Variants in CEP128 observed in about 807,000 individuals in gnomAD.
The protein encoded by CEP128 is centrosomal protein 128kDa.
A neutral mutation model predicts 156.7 loss-of-function variants in CEP128; 132 were observed. That is an observed-to-expected ratio of 0.84 (90% CI 0.73 to 0.97). The LOEUF is 0.97. Ranked by LOEUF, CEP128 falls within the 50% of genes least tolerant of loss-of-function variation. The pLI is 0.00. For synonymous variants in CEP128, 469 were observed against 448.9 expected, an observed-to-expected ratio of 1.04 and a Z score of -0.57; for missense variants, 1,252 against 1,281.9, an observed-to-expected ratio of 0.98 and a Z score of 0.36.
At chr14:80,949,831 A>T (rs182650729) in intron 2 of CEP128, among the ~76,000 whole-genome samples, 1 of 152,330 alleles carries the variant, frequency 6.6e-6, no homozygotes, top group East Asian at 1.9e-4. Context: ...AGAATAGAAA[A>T]TGCAACCCAT....
At chr14:80,889,841 C>T (rs1889001923) in intron 8 of CEP128, among the ~76,000 whole-genome samples, 1 of 152,138 alleles carries the variant, frequency 6.6e-6, no homozygotes, top group African/African-American at 2.4e-5. Flanking sequence ...GAACAGGCAA[C>T]CTACAGAATG....
At chr14:80,663,884 TATTA>T (rs1895502701) in intron 19 of CEP128, among the ~76,000 whole-genome samples, 1 of 152,212 alleles carries the variant, frequency 6.6e-6, no homozygotes, top group Admixed American at 6.5e-5. Context: ...GGTTGCTCTT[TATTA>T]ATTGTTATAC....
chr14:80,729,054 T>TGGG (rs543120613), intron 19 of CEP128, among the ~76,000 whole-genome samples: 11 of 92,556 alleles, frequency 1.2e-4, no homozygotes, highest in African/African-American at 5.6e-4. Context: ...GCTGGGCTGG[T>TGGG]GGGGGTGTGT....
chr14:80,825,364 C>T (rs1052994094), intron 13 of CEP128, among the ~76,000 whole-genome samples: 3 of 152,214 alleles, frequency 2.0e-5, no homozygotes, highest in African/African-American at 7.2e-5. Context: ...CAGCCTTAGC[C>T]TCACAAAGTG....
At chr14:80,525,941 A>G (rs896263415) in intron 23 of CEP128, among the ~76,000 whole-genome samples, 8 of 152,170 alleles carry the variant, frequency 5.3e-5, no homozygotes, top group African/African-American at 1.9e-4. Flanking sequence ...CAGTGTAATG[A>G]ATATTCATAC....
intron 19 of CEP128, among the ~76,000 whole-genome samples, chr14:80,606,716 G>C (rs2140559361): frequency 6.6e-6 from 1 of 152,158 alleles, no homozygotes; most frequent in Non-Finnish European, 1.5e-5. Flanking sequence ...TACAAGTTTA[G>C]AACAGACCTC....
intron 19 of CEP128, among the ~76,000 whole-genome samples, chr14:80,656,309 A>ATATT (rs1895158064): frequency 7.1e-5 from 1 of 14,102 alleles, no homozygotes; most frequent in African/African-American, 2.9e-4. Flanking sequence ...ATATATATAT[A>ATATT]TATATATATA....
At chr14:80,900,083 G>A (rs1883454609) in intron 6 of CEP128, 54 bp from the exon 7 acceptor site, 2 of 1,113,540 alleles carry the variant, frequency 1.8e-6, no homozygotes, top group East Asian at 4.8e-5. Flanking sequence ...ATTCTTCCAT[G>A]AAGATTCACC....
chr14:80,595,783 G>T (rs1407421802), intron 19 of CEP128, among the ~76,000 whole-genome samples: 2 of 152,118 alleles, frequency 1.3e-5, no homozygotes, highest in African/African-American at 4.8e-5. Flanking sequence ...CCACATGGCT[G>T]GGGAGGCCTC....
chr14:80,856,675 G>A (rs1887178501), intron 9 of CEP128, among the ~76,000 whole-genome samples: 1 of 146,370 alleles, frequency 6.8e-6, no homozygotes, highest in African/African-American at 2.6e-5. Context: ...GTGTGTGTGT[G>A]TGCGTGTGTG....
chr14:80,873,400 G>A (rs1424384783), intron 8 of CEP128, among the ~76,000 whole-genome samples: 1 of 152,128 alleles, frequency 6.6e-6, no homozygotes, highest in African/African-American at 2.4e-5. Flanking sequence ...ATACTTACTA[G>A]TTTTATTTGC....
chr14:80,633,633 G>T (rs914627241), intron 19 of CEP128, among the ~76,000 whole-genome samples: 1 of 152,130 alleles, frequency 6.6e-6, no homozygotes, highest in African/African-American at 2.4e-5. Context: ...CCCACACCTA[G>T]GACAAGCAAG....
chr14:80,542,340 A>T (rs184666834), intron 21 of CEP128, among the ~76,000 whole-genome samples: 18 of 152,348 alleles, frequency 1.2e-4, no homozygotes, highest in African/African-American at 4.3e-4. Flanking sequence ...ATACATAAAG[A>T]TACATTTAGA....
At chr14:80,877,779 A>G (rs1203737749) in intron 8 of CEP128, among the ~76,000 whole-genome samples, 1 of 152,096 alleles carries the variant, frequency 6.6e-6, no homozygotes, top group Non-Finnish European at 1.5e-5. Context: ...TCCTCCCCTT[A>G]AGACCAAGCT....
chr14:80,809,259 T>G (rs532301464), intron 13 of CEP128, among the ~76,000 whole-genome samples: 4 of 152,112 alleles, frequency 2.6e-5, no homozygotes, highest in African/African-American at 9.6e-5. Flanking sequence ...AATAACAGAC[T>G]ACACCAAGCT....
chr14:80,746,293 AAAG>A lies in CEP128; in HGVS notation c.2614-3029_2614-3027del, dbSNP rs998365338. On this transcript the variant is annotated intron_variant, in intron 18 of 24. Transcript: ENST00000555265. ...AAAATAGCCAAAAAAAGATATTGGA[AAAG>A]AAGAATATAGTTGGAGGATTCATAC... Among the ~76,000 whole-genome samples, 16 of 152,334 alleles carry A rather than the reference AAAG, an allele frequency of 1.1e-4. 2 individuals are homozygous for A. The highest frequency in any genetic ancestry group is 7.2e-4 in the Admixed American group (11 of 15,304).
At chr14:80,562,426 T>C (rs1164607911) in intron 20 of CEP128, among the ~76,000 whole-genome samples, 3 of 152,182 alleles carry the variant, frequency 2.0e-5, no homozygotes, top group Non-Finnish European at 2.9e-5. Context: ...GTCTAAATTA[T>C]AGTTTTCTGT....
chr14:80,539,176 A>G (rs1254399513), intron 21 of CEP128, among the ~76,000 whole-genome samples: 1 of 152,210 alleles, frequency 6.6e-6, no homozygotes, highest in East Asian at 1.9e-4. Context: ...GAAATGGGAG[A>G]GAAACTAACA....
intron 8 of CEP128, among the ~76,000 whole-genome samples, chr14:80,881,752 C>A (rs914160247): frequency 6.6e-6 from 1 of 152,088 alleles, no homozygotes; most frequent in Non-Finnish European, 1.5e-5. Flanking sequence ...CCCAGAAATG[C>A]AAGGATGGCT....
Sources: allele counts gnomAD v4.1 joint callset (sites outside exome capture counted in the v4.1 genomes callset), GRCh38; gene constraint gnomAD v4.1.1; transcripts MANE v1.5; gene names NCBI Gene and HGNC (gene_info 2026-07-23, HGNC 2026-07-21).